Variants in RBM39 observed in about 807,000 individuals in gnomAD.
RBM39 encodes RNA binding motif protein 39.
In RBM39, 12 loss-of-function variants were observed where a neutral mutation model predicts 79.6. The observed-to-expected ratio is 0.15, with a 90% CI of 0.10 to 0.24. The LOEUF is 0.24. Among genes scored for constraint, RBM39 ranks in the 10% least tolerant of loss-of-function variants. The pLI is 1.00. For missense variants in RBM39, 243 were observed against 653.4 expected (o/e 0.37, Z 6.85); for synonymous variants, 185 against 208.4 (o/e 0.89, Z 0.97).
At position 35,733,390 on chromosome 20, in the gene RBM39, C is replaced by T. The variant is rs2039579848; in HGVS notation, c.102-1255G>A. On this transcript the variant is annotated intron_variant, in intron 3 of 16. Coordinates refer to ENST00000253363, the MANE Select transcript of RBM39 (RefSeq NM_184234.3). Reference sequence around the variant, plus strand: ...TGGGAGGCTGAGGAAGGCAGGTCACCTGAGGTCAGGAGTTCAAGACCAGCC... The same window carrying T: ...TGGGAGGCTGAGGAAGGCAGGTCACTTGAGGTCAGGAGTTCAAGACCAGCC... Among the ~76,000 whole-genome samples the T allele has an allele frequency of 3.3e-5, 5 of 151,156 alleles. No homozygotes were observed. The South Asian group carries it at 1.0e-3, about 31-fold the overall frequency.
intron 4 of RBM39, chr20:35,731,695 C>T (rs2039384363): frequency 1.2e-5 from 6 of 517,620 alleles, no homozygotes; most frequent in African/African-American, 5.7e-5. Context: ...GACTGGCATA[C>T]AATTTAGAAA....
chr20:35,716,288 G>A (rs2037122124), intron 10 of RBM39, among the ~76,000 whole-genome samples: 2 of 152,076 alleles, frequency 1.3e-5, no homozygotes, highest in African/African-American at 4.8e-5. Flanking sequence ...TGGCCAGGCT[G>A]GTCTCAAACT....
chr20:35,729,562 G>A, intron 4 of RBM39, 35 bp from the exon 5 acceptor site: 2 of 1,589,854 alleles, frequency 1.3e-6, no homozygotes, highest in South Asian at 2.2e-5. Context: ...CTAGTTACAG[G>A]TTTAGGGTCT....
At chr20:35,723,950 A>C (rs2038329499) in intron 8 of RBM39, among the ~76,000 whole-genome samples, 1 of 152,128 alleles carries the variant, frequency 6.6e-6, no homozygotes. Context: ...CTGGGGAGAA[A>C]AGACTGCTTG....
intron 1 of RBM39, 34 bp from the exon 2 acceptor site, chr20:35,740,921 C>T (rs776231314): frequency 1.3e-5 from 19 of 1,473,588 alleles, no homozygotes; most frequent in African/African-American, 2.8e-5. Context: ...CTTGAGTAAA[C>T]ATTTCTCTTA....
chr20:35,717,452 G>T (rs1255736548), intron 9 of RBM39, among the ~76,000 whole-genome samples: 2 of 152,052 alleles, frequency 1.3e-5, no homozygotes, highest in South Asian at 4.1e-4. Context: ...ATTACCAATA[G>T]AAGGTAGAAA....
intron 1 of RBM39, 143 bp from the exon 2 acceptor site, chr20:35,741,030 C>CTTTA (rs2040447478): frequency 8.4e-6 from 1 of 118,628 alleles, no homozygotes; most frequent in African/African-American, 5.2e-5. Flanking sequence ...AAACATTTTT[C>CTTTA]TTTTTTTTTT....
intron 9 of RBM39, among the ~76,000 whole-genome samples, chr20:35,719,587 G>A (rs544177469): frequency 1.1e-4 from 17 of 152,090 alleles, no homozygotes; most frequent in Admixed American, 1.0e-3. Context: ...TGAGGCAGGA[G>A]AATCAATTGA....
At chr20:35,728,387 G>A (rs2038993474) in intron 6 of RBM39, among the ~76,000 whole-genome samples, 3 of 151,816 alleles carry the variant, frequency 2.0e-5, no homozygotes, top group Non-Finnish European at 2.9e-5. Flanking sequence ...GTATCAAAAC[G>A]TAACTGTATT....
In RBM39 at chr20:35,714,373, C is replaced by T. The variant is rs2036841208; in HGVS notation, c.908G>A (p.Cys303Tyr). 6.2e-7 allele frequency: 1 copy of T among 1,613,974 alleles called. No homozygotes were observed. The highest frequency in any genetic ancestry group is 1.3e-5 in the African/African-American group (1 of 74,938). ...YGFITFSDSE[C>Y]AKKALEQLNG... ...AAGTTGTTCCAAAGCCTTTTTGGCA[C>T]ATTCTGAGTCAGAAAACTACATGAT... is the stretch of plus-strand genomic sequence containing the variant. The change falls in exon 11 of 17, where the codon TGT (cysteine) becomes TAT (tyrosine). Residue 303 changes from cysteine (C) to tyrosine (Y), a missense_variant. Coordinates refer to ENST00000253363, the MANE Select transcript of RBM39 (RefSeq NM_184234.3).
intron 8 of RBM39, 104 bp from the exon 9 acceptor site, chr20:35,721,981 A>C (rs746027778): frequency 6.0e-6 from 8 of 1,323,874 alleles, no homozygotes; most frequent in Middle Eastern, 2.1e-4. Context: ...AGTGATAAAA[A>C]TACTACCCTA....
chr20:35,729,615 GT>G, intron 4 of RBM39, 88 bp from the exon 5 acceptor site: 2 of 1,181,952 alleles, frequency 1.7e-6, no homozygotes, highest in Non-Finnish European at 2.5e-6. Context: ...GACTAACATT[GT>G]TTAGGCTACT....
At chr20:35,736,498 AT>A in intron 3 of RBM39, 1 of 437,512 alleles carries the variant, frequency 2.3e-6, no homozygotes, top group East Asian at 7.1e-5. Context: ...GTTTTATGAA[AT>A]TTTATCAACC....
rs1477418000 is a variant in RBM39, at chr20:35,702,522, A to G, written c.*1959T>C. On this transcript the variant is annotated 3_prime_UTR_variant, in exon 17 of 17. Transcript: ENST00000253363. ...TTCCCTAGAAAGCAATGACACAACA[A>G]ATTTGTTAGGAAGACTTGGTTCAAG... The G allele has an allele frequency of 6.6e-6, 1 of 152,316 alleles. No individual in the cohort carries two copies. Among genetic ancestry groups the G allele is most frequent in the East Asian group, 1.9e-4 (1 of 5,188 alleles). The allele number at this position is 152,316 out of a possible 1,614,324, so 9.4% of individuals were successfully genotyped here. A position where few individuals can be genotyped will look rare whatever the true frequency, so the allele number is the denominator to read the frequency against.
chr20:35,735,144 A>G (rs2039773671), intron 3 of RBM39: 1 of 1,419,680 alleles, frequency 7.0e-7, no homozygotes, highest in African/African-American at 1.4e-5. Context: ...AATCCACACC[A>G]CAGTAGCCAA....
chr20:35,713,132 G>T, intron 11 of RBM39, 36 bp from the exon 12 acceptor site: 2 of 1,557,080 alleles, frequency 1.3e-6, no homozygotes, highest in African/African-American at 1.4e-5. Context: ...CTACTATGTT[G>T]AGAGCAGAGA....
intron 12 of RBM39, among the ~76,000 whole-genome samples, chr20:35,712,704 T>C (rs2036593450): frequency 6.6e-6 from 1 of 152,230 alleles, no homozygotes; most frequent in Middle Eastern, 3.4e-3. Flanking sequence ...ATTCTAATAT[T>C]ATAAATATTT....
At chr20:35,707,911 A>T (rs775002722) in intron 13 of RBM39, 1 of 467,516 alleles carries the variant, frequency 2.1e-6, no homozygotes, top group South Asian at 1.6e-5. Context: ...ATTTACAAAA[A>T]TATTACCAGT....
At chr20:35,731,363 T>C (rs904984414) in intron 4 of RBM39, 6 of 152,320 alleles carry the variant, frequency 3.9e-5, no homozygotes, top group African/African-American at 1.4e-4. Context: ...AAAACACTTT[T>C]AGTTTGGAAT....
Sources: allele counts gnomAD v4.1 joint callset (sites outside exome capture counted in the v4.1 genomes callset), GRCh38; gene constraint gnomAD v4.1.1; transcripts MANE v1.5; gene names NCBI Gene and HGNC (gene_info 2026-07-23, HGNC 2026-07-21).